Variants in FOXP2 observed in about 807,000 individuals in gnomAD.
The protein encoded by FOXP2 is forkhead box P2.
A neutral mutation model predicts 115.8 loss-of-function variants in FOXP2; 12 were observed. The observed-to-expected ratio is 0.10, with a 90% CI of 0.07 to 0.17. FOXP2 has a LOEUF of 0.17. FOXP2 is among the 10% of genes least tolerant of loss of function. FOXP2 has a pLI of 1.00. For synonymous variants in FOXP2, 328 were observed against 297.7 expected (o/e 1.10, Z -1.05); for missense variants, 629 against 843.5 (o/e 0.75, Z 3.15).
Position 114,462,310 on chromosome 7 carries a change from A to G in FOXP2, c.168+35631A>G, listed in dbSNP as rs375897611. Among the ~76,000 whole-genome samples the G allele has an allele frequency of 2.5e-3, 380 of 149,210 alleles. 3 individuals carry two copies. The highest frequency in any genetic ancestry group is 0.013 in the South Asian group (61 of 4,714). On this transcript the variant is annotated intron_variant, in intron 2 of 16. Transcript: ENST00000350908. Reference sequence around the variant, plus strand: ...AAAAAAAAAAAAAAAAAAGGTAACAAACACTAAAGGACAGAAATAAAACTC... The same window carrying G: ...AAAAAAAAAAAAAAAAAAGGTAACAGACACTAAAGGACAGAAATAAAACTC...
At chr7:114,638,979 CTT>C (rs1185339518) in intron 6 of FOXP2, among the ~76,000 whole-genome samples, 1 of 152,096 alleles carries the variant, frequency 6.6e-6, no homozygotes, top group Non-Finnish European at 1.5e-5. Context: ...ACATTTGTTA[CTT>C]CATTACAATA....
intron 3 of FOXP2, chr7:114,538,510 T>C (rs1192645007): frequency 2.0e-6 from 1 of 494,604 alleles, no homozygotes; most frequent in African/African-American, 2.0e-5. Context: ...TATAAAATTT[T>C]TATAATTCTG....
intron 3 of FOXP2, among the ~76,000 whole-genome samples, chr7:114,547,599 A>C: frequency 6.6e-6 from 1 of 152,080 alleles, no homozygotes; most frequent in Admixed American, 6.5e-5. Flanking sequence ...CTACTAAAAA[A>C]TTACAAAAAA....
At chr7:114,176,332 T>C (rs1056967849) in intron 1 of FOXP2, among the ~76,000 whole-genome samples, 157 of 136,204 alleles carry the variant, frequency 1.2e-3, no homozygotes, top group African/African-American at 5.2e-3. Context: ...TTCTTTTTCT[T>C]TCTTTCTCTC....
intron 3 of FOXP2, among the ~76,000 whole-genome samples, chr7:114,569,501 C>T (rs1801186341): frequency 6.6e-6 from 1 of 151,866 alleles, no homozygotes; most frequent in Non-Finnish European, 1.5e-5. Context: ...AATGCCAACA[C>T]CTTCAATTGG....
chr7:114,255,276 T>C (rs1795578005), intron 1 of FOXP2, among the ~76,000 whole-genome samples: 1 of 152,168 alleles, frequency 6.6e-6, no homozygotes, highest in African/African-American at 2.4e-5. Context: ...CATTCTCAGA[T>C]CTTAAACTCT....
intron 2 of FOXP2, among the ~76,000 whole-genome samples, chr7:114,487,647 T>C (rs764400811): frequency 6.6e-6 from 1 of 152,190 alleles, no homozygotes; most frequent in Admixed American, 6.5e-5. Flanking sequence ...TTCCACGAGA[T>C]ACCCCAAATC....
intron 1 of FOXP2, among the ~76,000 whole-genome samples, chr7:114,157,927 A>G (rs1316653410): frequency 6.6e-6 from 1 of 152,108 alleles, no homozygotes; most frequent in East Asian, 1.9e-4. Flanking sequence ...TGCTTTTAAG[A>G]TGCTTTCTAG....
intron 2 of FOXP2, among the ~76,000 whole-genome samples, chr7:114,371,665 G>A (rs988741318): frequency 6.6e-6 from 1 of 151,940 alleles, no homozygotes; most frequent in South Asian, 2.1e-4. Flanking sequence ...ATTATAATAT[G>A]TTTAGTGCCC....
In FOXP2 at chr7:114,313,632, C is replaced by A. The variant is rs868723177; in HGVS notation, c.-11+25523C>A. ...TAGTGGCGGGCGCCTGTAGTCCCAG[C>A]TACTTGGGAGGCTGAGGCAGGAGAA... On this transcript the variant is annotated intron_variant, in intron 2 of 17. Transcript: ENST00000634411. 8.6e-3 allele frequency among the ~76,000 whole-genome samples: 849 copies of A among 98,530 alleles called. 311 individuals are homozygous for A. The highest frequency in any genetic ancestry group is 0.056 in the African/African-American group (765 of 13,752). The allele number at this position is 98,530 out of a possible 152,430, so 64.6% of individuals were successfully genotyped here.
chr7:114,453,961 AG>A (rs1795177154), intron 2 of FOXP2, among the ~76,000 whole-genome samples: 1 of 152,268 alleles, frequency 6.6e-6, no homozygotes, highest in East Asian at 1.9e-4. Flanking sequence ...GGCATGGGCA[AG>A]GACTTCATGT....
Position 114,219,953 on chromosome 7 carries a change from G to A in FOXP2, c.-102+56865G>A, listed in dbSNP as rs572750175. Among the ~76,000 whole-genome samples, 15 of 151,656 alleles carry A rather than the reference G, an allele frequency of 9.9e-5. No individual in the cohort carries two copies. In the East Asian group the frequency reaches 1.7e-3, roughly 18 times the overall value. ...GCGATCTCGGCTCACTACAACCTCC[G>A]CCTCCCGGGTTCAAGAGATTCTCCT... On this transcript the variant is annotated intron_variant, in intron 1 of 17. Coordinates refer to the FOXP2 transcript ENST00000634411.
intron 3 of FOXP2, among the ~76,000 whole-genome samples, chr7:114,585,754 C>T (rs2129304448): frequency 6.6e-6 from 1 of 152,200 alleles, no homozygotes; most frequent in East Asian, 1.9e-4. Flanking sequence ...GTGGTCCCAG[C>T]TACTTGGGAG....
At chr7:114,339,550 A>G (rs1273486096) in intron 2 of FOXP2, among the ~76,000 whole-genome samples, 2 of 151,058 alleles carry the variant, frequency 1.3e-5, no homozygotes. Flanking sequence ...CCAACAGAAC[A>G]TTTCCTGAAG....
intron 1 of FOXP2, chr7:114,285,522 G>A (rs1170993119): frequency 6.6e-6 from 1 of 152,094 alleles, no homozygotes; most frequent in African/African-American, 2.4e-5. Flanking sequence ...TGCCCATAGG[G>A]TGCTTTGAGA....
intron 1 of FOXP2, among the ~76,000 whole-genome samples, chr7:114,147,645 A>G (rs915146024): frequency 6.6e-6 from 1 of 152,232 alleles, no homozygotes; most frequent in African/African-American, 2.4e-5. Context: ...CAATGAAATG[A>G]TCATTTGATA....
chr7:114,645,484 T>C (rs992099570), intron 8 of FOXP2: 1 of 152,018 alleles, frequency 6.6e-6, no homozygotes. Context: ...GGGGTTCTTT[T>C]TCAAGTGAAA....
At chr7:114,396,376 A>G (rs1792740483) in intron 2 of FOXP2, among the ~76,000 whole-genome samples, 1 of 151,874 alleles carries the variant, frequency 6.6e-6, no homozygotes, top group African/African-American at 2.4e-5. Context: ...AATACTAACT[A>G]CCTTTATCCA....
At chr7:114,224,444 A>G (rs557409374) in intron 1 of FOXP2, among the ~76,000 whole-genome samples, 2 of 152,180 alleles carry the variant, frequency 1.3e-5, no homozygotes, top group Non-Finnish European at 2.9e-5. Flanking sequence ...ATCATTTTCT[A>G]TATAATGACT....
Sources: gnomAD v4.1 joint callset for allele counts (sites outside exome capture counted in the v4.1 genomes callset) on GRCh38, gnomAD v4.1.1 for gene constraint, MANE v1.5 for transcripts, NCBI Gene and HGNC (gene_info 2026-07-23, HGNC 2026-07-21) for gene names.